The following IRAK3 variants were observed in gnomAD, a reference collection of about 807,000 sequenced individuals.
The protein encoded by IRAK3 is interleukin-1 receptor-associated kinase 3.
A neutral mutation model predicts 56.6 loss-of-function variants in IRAK3; 57 were observed. The ratio of observed to expected loss-of-function variants is 1.01; its 90% confidence interval spans 0.81 to 1.26. The LOEUF (loss-of-function observed/expected upper bound fraction) is 1.26. IRAK3 is among the 50% of genes most tolerant of loss of function. The pLI is 0.00. For missense variants in IRAK3, 703 were observed against 719.0 expected (o/e 0.98, Z 0.25); for synonymous variants, 258 against 255.7 (o/e 1.01, Z -0.09).
intron 6 of IRAK3, among the ~76,000 whole-genome samples, chr12:66,218,149 C>T (rs2052696609): frequency 6.6e-6 from 1 of 152,130 alleles, no homozygotes; most frequent in South Asian, 2.1e-4. Flanking sequence ...AACAGTATTA[C>T]CAGTTCCTTG....
chr12:66,247,270 A>C (rs1158577500), intron 11 of IRAK3, among the ~76,000 whole-genome samples: 10 of 302 alleles, frequency 0.033, no homozygotes, highest in African/African-American at 0.035. Context: ...ACTCCATCTC[A>C]AAAAAAAACA....
In IRAK3 at chr12:66,216,013, T is replaced by G. The variant is rs190551496; in HGVS notation, c.589-1158T>G. Among the ~76,000 whole-genome samples the G allele has an allele frequency of 4.6e-3, 699 of 152,320 alleles. 8 individuals are homozygous for G. The highest frequency in any genetic ancestry group is 0.01 in the Middle Eastern group (3 of 294). On this transcript the variant is annotated intron_variant, in intron 5 of 11. Coordinates refer to ENST00000261233, the MANE Select transcript of IRAK3 (RefSeq NM_007199.3). Reference sequence around the variant, plus strand: ...TAATCACCTGGGAATCATCTTACAATGCAGATTCTGATTCAGCAGATCTGA... The same window carrying G: ...TAATCACCTGGGAATCATCTTACAAGGCAGATTCTGATTCAGCAGATCTGA...
rs2053084461 is a variant in IRAK3 at position 66,250,329 on chromosome 12, T to C, written c.*2158T>C. ...TGAGTCAGTATGGTTGGGTTAATCATATTCACATTAGATTCCATGTTGAAG... is the reference window on the plus strand; with the variant it reads ...TGAGTCAGTATGGTTGGGTTAATCACATTCACATTAGATTCCATGTTGAAG... On this transcript the variant is annotated 3_prime_UTR_variant, in exon 12 of 12. Coordinates refer to ENST00000261233, the MANE Select transcript of IRAK3 (RefSeq NM_007199.3). 6.6e-6 allele frequency: 1 copy of C among 152,188 alleles called. No individual in the cohort carries two copies. The highest frequency in any genetic ancestry group is 6.5e-5 in the Admixed American group (1 of 15,274). The allele number at this position is 152,188 out of a possible 1,614,324, so 9.4% of individuals were successfully genotyped here. A position where few individuals can be genotyped will look rare whatever the true frequency, so the allele number is the denominator to read the frequency against.
At position 66,217,205 on chromosome 12, in the gene IRAK3, G is replaced by A. The variant is rs748191842; in HGVS notation, c.623G>A (p.Arg208Lys). 6.2e-7 allele frequency: 1 copy of A among 1,611,926 alleles called. No homozygotes were observed. Among genetic ancestry groups the A allele is most frequent in the South Asian group, 1.1e-5 (1 of 91,058 alleles). The change falls in exon 6 of 12, where the codon AGG becomes AAG. Residue 208 changes from arginine to lysine, a missense_variant. Arg to Lys is a conservative substitution (Grantham distance 26). Coordinates refer to ENST00000261233, the MANE Select transcript of IRAK3 (RefSeq NM_007199.3). ...ATGCAGTGTAAGAAGCATTGGAAGA[G>A]GTTTTTATCTGAGCTTGAAGTTTTA... ...KKMQCKKHWKRFLSELEVLLL... is the reference protein window; with the variant it reads ...KKMQCKKHWKKFLSELEVLLL...
chr12:66,250,510 T>G lies in IRAK3; in HGVS notation c.*2339T>G, dbSNP rs1011638551. 3 of 152,210 alleles carry G rather than the reference T, an allele frequency of 2.0e-5. No homozygotes were observed. Among genetic ancestry groups the G allele is most frequent in the Non-Finnish European group, 4.4e-5 (3 of 68,046 alleles). 9.4% of individuals were successfully genotyped at this position (152,210 alleles called of 1,614,324 possible). On this transcript the variant is annotated 3_prime_UTR_variant, in exon 12 of 12. Coordinates refer to ENST00000261233, the MANE Select transcript of IRAK3 (RefSeq NM_007199.3). ...TGACAGGCTTTATACAGGCCCTCGGTAAGCAGTTGGGAGAACCCATGCCCA... is the reference window on the plus strand; with the variant it reads ...TGACAGGCTTTATACAGGCCCTCGGGAAGCAGTTGGGAGAACCCATGCCCA...
intron 6 of IRAK3, among the ~76,000 whole-genome samples, chr12:66,220,589 C>T (rs1321863167): frequency 8.2e-5 from 10 of 122,602 alleles, no homozygotes; most frequent in African/African-American, 2.5e-4. Context: ...GGCGGGATCT[C>T]GGCTCACTGC....
chr12:66,215,735 C>T (rs1354790827), intron 5 of IRAK3, among the ~76,000 whole-genome samples: 1 of 148,840 alleles, frequency 6.7e-6, no homozygotes, highest in Admixed American at 6.7e-5. Flanking sequence ...GAAAGTATGG[C>T]CGGACTTTGC....
At chr12:66,197,636 A>G (rs2052467550) in intron 1 of IRAK3, 4 of 985,404 alleles carry the variant, frequency 4.1e-6, no homozygotes, top group Non-Finnish European at 4.8e-6. Flanking sequence ...AACAGTCTGG[A>G]TCAGTTTTTT....
intron 8 of IRAK3, among the ~76,000 whole-genome samples, chr12:66,244,108 A>G (rs1164824103): frequency 6.6e-6 from 1 of 152,226 alleles, no homozygotes; most frequent in Non-Finnish European, 1.5e-5. Context: ...CACATAACAG[A>G]CACATAATCA....
intron 1 of IRAK3, among the ~76,000 whole-genome samples, chr12:66,201,872 C>T (rs932552985): frequency 1.1e-4 from 16 of 152,170 alleles, no homozygotes; most frequent in Non-Finnish European, 1.3e-4. Context: ...AACTGTATTA[C>T]GAATGAATAA....
intron 6 of IRAK3, among the ~76,000 whole-genome samples, chr12:66,219,109 A>G (rs1451242297): frequency 6.6e-6 from 1 of 151,948 alleles, no homozygotes; most frequent in Non-Finnish European, 1.5e-5. Context: ...GTCAATGGAC[A>G]TTTAAGTTGT....
At chr12:66,209,381 T>G (rs989354293) in intron 2 of IRAK3, 75 bp from the exon 3 acceptor site, 5 of 829,128 alleles carry the variant, frequency 6.0e-6, no homozygotes, top group Non-Finnish European at 1.1e-5. Flanking sequence ...GACATTTATT[T>G]TCAGAGTCTC....
rs187515449 is a variant in IRAK3 at position 66,192,473 on chromosome 12, A to G, written c.133+3041A>G. Among the ~76,000 whole-genome samples, 329 of 152,254 alleles carry G rather than the reference A, an allele frequency of 2.2e-3. 2 individuals are homozygous for G. Among genetic ancestry groups the G allele is most frequent in the African/African-American group, 7.7e-3 (321 of 41,532 alleles). ...AGACAACTCATCTGATTACATTACC[A>G]TAGATTGGTATTTAAATTAAATTAT... On this transcript the variant is annotated intron_variant, in intron 1 of 11. Transcript: ENST00000261233.
intron 6 of IRAK3, among the ~76,000 whole-genome samples, chr12:66,225,162 T>G (rs1379260269): frequency 6.6e-6 from 1 of 152,154 alleles, no homozygotes; most frequent in Non-Finnish European, 1.5e-5. Context: ...CACTATCTAC[T>G]GCCTTCCAAA....
intron 8 of IRAK3, among the ~76,000 whole-genome samples, chr12:66,244,285 A>C (rs906454347): frequency 6.6e-6 from 1 of 152,238 alleles, no homozygotes; most frequent in African/African-American, 2.4e-5. Context: ...TCAGGTTTTT[A>C]TTCTAGGTTG....
Position 66,226,742 on chromosome 12 carries a change from C to A in IRAK3, c.673C>A (p.Leu225Ile). The A allele has an allele frequency of 5.0e-6, 8 of 1,603,144 alleles. No individual in the cohort carries two copies. The highest frequency in any genetic ancestry group is 6.8e-6 in the Non-Finnish European group (8 of 1,169,966). Residue 225 changes from leucine (L) to isoleucine (I), a missense_variant, in exon 7 of 12, where the codon CTA (leucine) becomes ATA (isoleucine). Leu to Ile is a conservative substitution (Grantham distance 5). Coordinates refer to ENST00000261233, the MANE Select transcript of IRAK3 (RefSeq NM_007199.3). ...VLLLFHHPNI[L>I]ELAAYFTETE... ...TTCAAGGTTTCATCACCCAAACATA[C>A]TAGAGTTGGCTGCATATTTTACAGA...
At chr12:66,189,797 A>G (rs2052382441) in intron 1 of IRAK3, among the ~76,000 whole-genome samples, 1 of 152,170 alleles carries the variant, frequency 6.6e-6, no homozygotes. Context: ...ACATCATTTT[A>G]GTATTGAGAC....
At chr12:66,226,587 C>T in intron 6 of IRAK3, 136 bp from the exon 7 acceptor site, 1 of 685,856 alleles carries the variant, frequency 1.5e-6, no homozygotes, top group African/African-American at 1.8e-5. Flanking sequence ...TGTGTCTGTA[C>T]CCAATGTGTC....
At position 66,189,248 on chromosome 12, in the gene IRAK3, G is replaced by T. The variant is rs1331667928; in HGVS notation, c.-52G>T. 2 of 1,530,650 alleles carry T rather than the reference G, an allele frequency of 1.3e-6. No individual in the cohort carries two copies. Among genetic ancestry groups the T allele is most frequent in the Admixed American group, 3.9e-5 (2 of 50,886 alleles). 94.8% of individuals were successfully genotyped at this position (1,530,650 alleles called of 1,614,324 possible). ...GCGGTTGTGTAACGGCCTGTCGCAG[G>T]CGTGCAGGGACCTGGACTCCGCCTC... is the stretch of plus-strand genomic sequence containing the variant. On this transcript the variant is annotated 5_prime_UTR_variant, in exon 1 of 12. Coordinates refer to ENST00000261233, the MANE Select transcript of IRAK3 (RefSeq NM_007199.3).
Sources: allele counts gnomAD v4.1 joint callset (sites outside exome capture counted in the v4.1 genomes callset), GRCh38; gene constraint gnomAD v4.1.1; transcripts MANE v1.5; gene names NCBI Gene and HGNC (gene_info 2026-07-23, HGNC 2026-07-21).